Variants in FLT3 observed in about 807,000 individuals in gnomAD.
FLT3 encodes the protein fms related receptor tyrosine kinase 3.
FLT3 carries 46 observed loss-of-function variants against 126.6 expected under a neutral mutation model. The ratio of observed to expected loss-of-function variants is 0.36; its 90% CI spans 0.29 to 0.46. The LOEUF (loss-of-function observed/expected upper bound fraction) is 0.46. Among genes scored for constraint, FLT3 ranks in the 20% least tolerant of loss-of-function variants. FLT3 has a pLI of 1.00. For missense variants in FLT3, 1,069 were observed against 1,190.3 expected (o/e 0.90, Z 1.50); for synonymous variants, 404 against 434.4 (o/e 0.93, Z 0.87).
At chr13:28,014,098 C>T (rs919366506) in intron 23 of FLT3, among the ~76,000 whole-genome samples, 1 of 151,858 alleles carries the variant, frequency 6.6e-6, no homozygotes, top group African/African-American at 2.4e-5. Context: ...ACAGTGATAC[C>T]CTATTTCTAC....
intron 1 of FLT3, among the ~76,000 whole-genome samples, chr13:28,097,042 C>A (rs1213779061): frequency 1.3e-5 from 2 of 151,956 alleles, no homozygotes; most frequent in African/African-American, 4.8e-5. Flanking sequence ...GAGATCTCAT[C>A]TCTACCAAAA....
chr13:28,018,425 C>G, intron 20 of FLT3, 42 bp downstream of exon 20: 3 of 1,609,864 alleles, frequency 1.9e-6, no homozygotes, highest in African/African-American at 1.3e-5. Context: ...CGACACAACA[C>G]AAAATAGCCG....
chr13:28,047,936 T>C (rs1875049210), intron 9 of FLT3, among the ~76,000 whole-genome samples: 1 of 152,092 alleles, frequency 6.6e-6, no homozygotes, highest in Non-Finnish European at 1.5e-5. Context: ...CATCTGCAAA[T>C]GTTTTAGGGG....
At chr13:28,067,808 T>A (rs1316132565) in intron 2 of FLT3, 1 of 216,040 alleles carries the variant, frequency 4.6e-6, no homozygotes, top group Non-Finnish European at 9.5e-6. Context: ...CTTTCCCAAA[T>A]CCTTGTTACA....
chr13:28,057,015 A>C (rs1876072634), intron 4 of FLT3, among the ~76,000 whole-genome samples: 1 of 152,204 alleles, frequency 6.6e-6, no homozygotes, highest in Admixed American at 6.5e-5. Context: ...GTAGTATCAG[A>C]ACCAGAATTA....
chr13:28,045,843 A>T (rs1566079816), intron 9 of FLT3, among the ~76,000 whole-genome samples: 1 of 121,870 alleles, frequency 8.2e-6, no homozygotes, highest in Non-Finnish European at 1.8e-5. Context: ...CAACAGAATA[A>T]GACTCTGTCT....
intron 9 of FLT3, among the ~76,000 whole-genome samples, chr13:28,038,245 G>A (rs12429639): frequency 0.18 from 26,722 of 152,022 alleles, 2,444 homozygotes; most frequent in Admixed American, 0.23. Context: ...TGTCCACCAC[G>A]CCCAGCAGGC....
At chr13:28,047,232 A>AT (rs2137720346) in intron 9 of FLT3, among the ~76,000 whole-genome samples, 1 of 152,328 alleles carries the variant, frequency 6.6e-6, no homozygotes, top group East Asian at 1.9e-4. Flanking sequence ...CTGAGAAAGG[A>AT]TGATTTATTC....
At chr13:28,078,090 C>A (rs1306329834) in intron 1 of FLT3, among the ~76,000 whole-genome samples, 4 of 152,208 alleles carry the variant, frequency 2.6e-5, no homozygotes, top group Non-Finnish European at 4.4e-5. Context: ...ATTGTGTCTG[C>A]AGCTTTTCCA....
At chr13:28,082,710 GTTTT>G (rs1157908526) in intron 1 of FLT3, among the ~76,000 whole-genome samples, 1 of 146,730 alleles carries the variant, frequency 6.8e-6, no homozygotes, top group Non-Finnish European at 1.5e-5. Flanking sequence ...GTTTTGTTTT[GTTTT>G]GTTTTTTGAG....
intron 19 of FLT3, among the ~76,000 whole-genome samples, chr13:28,021,582 AT>A (rs1872391272): frequency 6.6e-6 from 1 of 152,058 alleles, no homozygotes; most frequent in Admixed American, 6.6e-5. Flanking sequence ...AACTTGTATT[AT>A]TATTGCTTTT....
intron 3 of FLT3, among the ~76,000 whole-genome samples, chr13:28,060,857 G>A (rs1392298518): frequency 6.6e-6 from 1 of 150,990 alleles, no homozygotes; most frequent in Non-Finnish European, 1.5e-5. Context: ...CTCCCACCTC[G>A]GCCTCCCAAA....
rs61944702 is a variant in FLT3, at chr13:28,033,573, G to C, written c.1942+314C>G. Among the ~76,000 whole-genome samples the C allele has an allele frequency of 0.17, 25,560 of 152,164 alleles. 2,316 individuals are homozygous for C. The highest frequency in any genetic ancestry group is 0.23 in the Admixed American group (3,556 of 15,288). The stretch of plus-strand genomic sequence containing the variant: ...CAGCTGCTGAGGAGCCTGAGCCCAG[G>C]GGGTGGAGGCTGCAGTGAGCCATGA... On this transcript the variant is annotated intron_variant, in intron 15 of 23. Coordinates refer to ENST00000241453, the MANE Select transcript of FLT3 (RefSeq NM_004119.3).
chr13:28,027,177 T>G lies in FLT3; in HGVS notation c.2118A>C (p.Lys706Asn). The change falls in exon 17 of 24, where the codon AAA becomes AAC. Residue 706 changes from lysine to asparagine, a missense_variant. Transcript: ENST00000241453. Reference protein sequence around the residue: ...YGDLLNYLRSKREKFHRTWTE... With the variant: ...YGDLLNYLRSNREKFHRTWTE... ...TCCAAGTCCTGTGAAATTTTTCTCT[T>G]TTACTTCTTAGATAGTTGAGAAGAT... 6.2e-7 allele frequency: 1 copy of G among 1,613,238 alleles called. No individual in the cohort carries two copies. Among genetic ancestry groups the G allele is most frequent in the Non-Finnish European group, 8.5e-7 (1 of 1,179,140 alleles).
chr13:28,061,730 CACTCT>C (rs1876582938), intron 3 of FLT3, 132 bp downstream of exon 3: 1 of 643,418 alleles, frequency 1.6e-6, no homozygotes. Context: ...AAGATTGTGC[CACTCT>C]ACTCCAGCCT....
rs1269583386 is a variant in FLT3, at chr13:28,048,457, T to C, written c.1037-14A>G. Reference sequence around the variant, plus strand: ...TAAATCCCTTTTCTGTAAGAAAAAATAGGCATTTATGAGTTAGTTAATAAT... The same window carrying C: ...TAAATCCCTTTTCTGTAAGAAAAAACAGGCATTTATGAGTTAGTTAATAAT... On this transcript the variant is annotated splice_polypyrimidine_tract_variant and intron_variant, in intron 8 of 23. Transcript: ENST00000241453. The C allele has an allele frequency of 7.2e-6, 11 of 1,524,840 alleles. No homozygotes were observed. Among genetic ancestry groups the C allele is most frequent in the Non-Finnish European group, 1.0e-5 (11 of 1,102,664 alleles). 94.5% of individuals were successfully genotyped at this position (1,524,840 alleles called of 1,614,324 possible).
At chr13:28,072,547 C>A (rs1000277067) in intron 1 of FLT3, among the ~76,000 whole-genome samples, 2 of 152,124 alleles carry the variant, frequency 1.3e-5, no homozygotes, top group African/African-American at 4.8e-5. Flanking sequence ...CGGGTGTGCG[C>A]CATCATGCCC....
At chr13:28,092,888 A>T (rs1446293211) in intron 1 of FLT3, among the ~76,000 whole-genome samples, 2 of 138,830 alleles carry the variant, frequency 1.4e-5, no homozygotes, top group Non-Finnish European at 3.1e-5. Context: ...AGATATAACA[A>T]CCCCCCTGAA....
intron 1 of FLT3, among the ~76,000 whole-genome samples, chr13:28,082,889 G>A (rs1878429202): frequency 6.6e-6 from 1 of 151,902 alleles, no homozygotes; most frequent in Non-Finnish European, 1.5e-5. Flanking sequence ...TGTATTTTTA[G>A]TAGAGACGGG....
Sources: gnomAD v4.1 joint callset for allele counts (sites outside exome capture counted in the v4.1 genomes callset) on GRCh38, gnomAD v4.1.1 for gene constraint, MANE v1.5 for transcripts, NCBI Gene and HGNC (gene_info 2026-07-23, HGNC 2026-07-21) for gene names.